The following VPS13A variants were observed in gnomAD, a reference collection of about 807,000 sequenced individuals.
VPS13A encodes vacuolar protein sorting 13 homolog A.
Under a neutral mutation model 390.9 loss-of-function variants are expected in VPS13A, and 264 were observed. The observed-to-expected ratio is 0.68, with a 90% CI of 0.61 to 0.75. VPS13A has a LOEUF of 0.75. VPS13A is among the 30% of genes least tolerant of loss of function. The pLI is 0.00. For missense variants in VPS13A, 3,409 were observed against 3,733.9 expected, an observed-to-expected ratio of 0.91 and a Z score of 2.27; for synonymous variants, 1,231 against 1,227.1, an observed-to-expected ratio of 1.00 and a Z score of -0.07.
At chr9:77,222,836 G>A (rs746609910) in intron 13 of VPS13A, among the ~76,000 whole-genome samples, 1 of 152,132 alleles carries the variant, frequency 6.6e-6, no homozygotes, top group Admixed American at 6.6e-5. Context: ...TGGCCAAAAG[G>A]TTTCTTTGTA....
chr9:77,293,542 A>G (rs1827798479), intron 32 of VPS13A, 34 bp downstream of exon 32: 4 of 1,237,216 alleles, frequency 3.2e-6, no homozygotes, highest in African/African-American at 3.1e-5. Context: ...TTTATTTTAT[A>G]CTAATTGGAA....
In VPS13A at chr9:77,321,142, T is replaced by C. The variant is rs199629253; in HGVS notation, c.5416-27T>C. The C allele has an allele frequency of 8.1e-6, 13 of 1,600,996 alleles. No individual in the cohort carries two copies. The East Asian group carries it at 2.2e-4, about 28-fold the overall frequency. Reference sequence around the variant, plus strand: ...TATGTTGTGTTCTTAGAATTTTTCCTTATATTTCTATGATTTATCATTTTA... The same window carrying C: ...TATGTTGTGTTCTTAGAATTTTTCCCTATATTTCTATGATTTATCATTTTA... On this transcript the variant is annotated intron_variant, in intron 42 of 71. Coordinates refer to ENST00000360280, the MANE Select transcript of VPS13A (RefSeq NM_033305.3).
intron 21 of VPS13A, among the ~76,000 whole-genome samples, chr9:77,250,530 A>G (rs990003238): frequency 6.6e-6 from 1 of 152,224 alleles, no homozygotes; most frequent in African/African-American, 2.4e-5. Context: ...CCAGTCCCTC[A>G]TAATAAATAT....
chr9:77,198,621 T>C (rs1589983886), intron 1 of VPS13A, among the ~76,000 whole-genome samples: 1 of 152,192 alleles, frequency 6.6e-6, no homozygotes, highest in East Asian at 1.9e-4. Flanking sequence ...AGTGAGTTTC[T>C]TGTAGACCAC....
intron 71 of VPS13A, among the ~76,000 whole-genome samples, chr9:77,411,139 T>G (rs939192158): frequency 6.6e-6 from 1 of 152,068 alleles, no homozygotes; most frequent in Non-Finnish European, 1.5e-5. Context: ...GAAACTCACT[T>G]AAAACCACTC....
intron 47 of VPS13A, chr9:77,339,235 C>T: frequency 2.6e-6 from 1 of 380,014 alleles, no homozygotes; most frequent in Non-Finnish European, 4.7e-6. Flanking sequence ...TTATAATTTC[C>T]AGGGGAGTTT....
intron 55 of VPS13A, among the ~76,000 whole-genome samples, 172 bp downstream of exon 55, chr9:77,357,039 G>C (rs1304219942): frequency 6.6e-6 from 1 of 151,778 alleles, no homozygotes; most frequent in Non-Finnish European, 1.5e-5. Flanking sequence ...AAGAAATCAG[G>C]CTGGGCGCAG....
At chr9:77,286,795 G>A (rs34366477) in intron 31 of VPS13A, among the ~76,000 whole-genome samples, 5,434 of 152,200 alleles carry the variant, frequency 0.036, 149 homozygotes, top group Middle Eastern at 0.058. Context: ...GTTAGTTTCC[G>A]TTGAGAAAAA....
chr9:77,182,863 T>C (rs999611203), intron 1 of VPS13A, among the ~76,000 whole-genome samples: 8 of 152,308 alleles, frequency 5.3e-5, no homozygotes, highest in Non-Finnish European at 1.2e-4. Context: ...CAGTTTTCCC[T>C]TTATAATAGA....
chr9:77,244,077 A>G (rs933063684), intron 19 of VPS13A, among the ~76,000 whole-genome samples: 1 of 152,114 alleles, frequency 6.6e-6, no homozygotes, highest in South Asian at 2.1e-4. Context: ...GTCTCTACAA[A>G]AAATTACAAA....
chr9:77,344,432 C>A, intron 51 of VPS13A, 151 bp downstream of exon 51: 1 of 985,750 alleles, frequency 1.0e-6, no homozygotes, highest in Non-Finnish European at 1.5e-6. Flanking sequence ...TAGAAGGAAA[C>A]AGAGATCTAA....
At chr9:77,366,123 A>T (rs908649345) in intron 60 of VPS13A, among the ~76,000 whole-genome samples, 3 of 152,128 alleles carry the variant, frequency 2.0e-5, no homozygotes, top group Non-Finnish European at 4.4e-5. Flanking sequence ...GTTACATCTC[A>T]GTAAAGCCAT....
chr9:77,315,635 A>G (rs1829338886), intron 38 of VPS13A, among the ~76,000 whole-genome samples, 165 bp downstream of exon 38: 3 of 146,834 alleles, frequency 2.0e-5, no homozygotes, highest in Non-Finnish European at 4.6e-5. Flanking sequence ...GAGGATGTAT[A>G]GTTTGCATTT....
At chr9:77,201,816 C>T (rs1348408292) in intron 3 of VPS13A, among the ~76,000 whole-genome samples, 2 of 152,254 alleles carry the variant, frequency 1.3e-5, no homozygotes, top group East Asian at 3.9e-4. Context: ...AATTTCTGCT[C>T]TGCAAGTTTT....
chr9:77,368,237 GCCA>G, intron 62 of VPS13A, 101 bp downstream of exon 62: 1 of 933,580 alleles, frequency 1.1e-6, no homozygotes, highest in Non-Finnish European at 1.7e-6. Flanking sequence ...GAACTAAATA[GCCA>G]TTTTCAAATT....
chr9:77,347,260 G>T (rs757505486), intron 52 of VPS13A, among the ~76,000 whole-genome samples: 2 of 152,158 alleles, frequency 1.3e-5, no homozygotes, highest in South Asian at 4.1e-4. Flanking sequence ...CATTGAATCT[G>T]TAGATTGCTT....
intron 71 of VPS13A, among the ~76,000 whole-genome samples, chr9:77,412,563 C>A (rs1217817684): frequency 1.3e-5 from 2 of 152,168 alleles, no homozygotes; most frequent in South Asian, 2.1e-4. Flanking sequence ...CCTAAAAACT[C>A]TCAATAAATT....
intron 68 of VPS13A, among the ~76,000 whole-genome samples, chr9:77,388,437 ATATT>A (rs1347116466): frequency 6.6e-6 from 1 of 152,190 alleles, no homozygotes; most frequent in East Asian, 1.9e-4. Context: ...ACGTGGCAGA[ATATT>A]TATCATTCTC....
At chr9:77,258,125 G>A (rs1400165825) in intron 22 of VPS13A, among the ~76,000 whole-genome samples, 1 of 152,136 alleles carries the variant, frequency 6.6e-6, no homozygotes, top group African/African-American at 2.4e-5. Context: ...AATAGTTTTA[G>A]ACTGTAGGTA....
Sources: allele counts gnomAD v4.1 joint callset (sites outside exome capture counted in the v4.1 genomes callset), GRCh38; gene constraint gnomAD v4.1.1; transcripts MANE v1.5; gene names NCBI Gene and HGNC (gene_info 2026-07-23, HGNC 2026-07-21).